The following ATP8A1 variants were observed in gnomAD, a reference collection of about 807,000 sequenced individuals.
ATP8A1 encodes the protein ATPase phospholipid transporting 8A1, also known as phospholipid-transporting ATPase IA.
ATP8A1 carries 90 observed loss-of-function variants against 177.7 expected under a neutral mutation model. The ratio of observed to expected loss-of-function variants is 0.51; its 90% CI spans 0.43 to 0.60. ATP8A1 has a LOEUF of 0.60. ATP8A1 is among the 20% of genes least tolerant of loss of function. The pLI, the probability that ATP8A1 is intolerant of heterozygous loss-of-function variation, is 0.00. For missense variants in ATP8A1, 1,072 were observed against 1,392.8 expected (o/e 0.77, Z 3.67); for synonymous variants, 493 against 485.9 (o/e 1.01, Z -0.19).
At chr4:42,503,409 ATATT>A in intron 24 of ATP8A1, 37 bp downstream of exon 24, 1 of 1,148,760 alleles carries the variant, frequency 8.7e-7, no homozygotes, top group Admixed American at 1.9e-5. Flanking sequence ...TAGCATGAAT[ATATT>A]ATTAAAGGAG....
At chr4:42,493,361 A>T (rs953175453) in intron 24 of ATP8A1, among the ~76,000 whole-genome samples, 18 of 152,208 alleles carry the variant, frequency 1.2e-4, no homozygotes, top group African/African-American at 3.9e-4. Flanking sequence ...TGTTATTTTG[A>T]AAAAAATTCC....
chr4:42,516,964 T>C (rs770503162), intron 22 of ATP8A1, among the ~76,000 whole-genome samples: 6 of 152,196 alleles, frequency 3.9e-5, no homozygotes, highest in Non-Finnish European at 7.3e-5. Flanking sequence ...AATTATTCTG[T>C]TATTTACAAT....
chr4:42,633,633 G>C (rs895598564), intron 1 of ATP8A1, among the ~76,000 whole-genome samples: 7 of 152,168 alleles, frequency 4.6e-5, no homozygotes, highest in African/African-American at 1.7e-4. Context: ...CTGTGCTTAA[G>C]TTTCATTATG....
chr4:42,626,923 A>G (rs1738165229), intron 2 of ATP8A1, 72 bp downstream of exon 2: 1 of 1,178,590 alleles, frequency 8.5e-7, no homozygotes. Flanking sequence ...AGCTCTTTGC[A>G]AGCATTTTCA....
rs776830285 is a variant in ATP8A1, at chr4:42,443,517, A to G, written c.3123+48T>C. The stretch of plus-strand genomic sequence containing the variant: ...AAACGATTAAGGTTTGCTAAAAAAT[A>G]CCAGTTTTTAAGGTTTTGTTGGATT... On this transcript the variant is annotated intron_variant, in intron 33 of 36. Coordinates refer to ENST00000381668, the MANE Select transcript of ATP8A1 (RefSeq NM_006095.2). 4 of 796,912 alleles carry G rather than the reference A, an allele frequency of 5.0e-6. No homozygotes were observed. The African/African-American group carries it at 5.1e-5, about 10-fold the overall frequency. The allele number at this position is 796,912 out of a possible 1,614,324, so 49.4% of individuals were successfully genotyped here. A position where few individuals can be genotyped will look rare whatever the true frequency, so the allele number is the denominator to read the frequency against.
At chr4:42,533,155 T>C (rs1727452311) in intron 20 of ATP8A1, among the ~76,000 whole-genome samples, 1 of 152,156 alleles carries the variant, frequency 6.6e-6, no homozygotes, top group South Asian at 2.1e-4. Flanking sequence ...AATCCACACT[T>C]TTTGAAGGAG....
chr4:42,476,277 C>T (rs1369581252), intron 25 of ATP8A1, among the ~76,000 whole-genome samples: 2 of 152,008 alleles, frequency 1.3e-5, no homozygotes, highest in African/African-American at 4.8e-5. Context: ...AAATAAACTC[C>T]ATATGTGTAA....
intron 24 of ATP8A1, among the ~76,000 whole-genome samples, chr4:42,487,332 T>C (rs2153189605): frequency 6.6e-6 from 1 of 152,250 alleles, no homozygotes; most frequent in East Asian, 1.9e-4. Context: ...TTTCAATACA[T>C]TTAGTTTTTC....
chr4:42,626,261 A>G (rs1051826733), intron 2 of ATP8A1: 1 of 152,306 alleles, frequency 6.6e-6, no homozygotes, highest in African/African-American at 2.4e-5. Context: ...ATCACTACTT[A>G]GGTCTTAGAA....
intron 24 of ATP8A1, among the ~76,000 whole-genome samples, chr4:42,492,790 C>G (rs1459723051): frequency 6.6e-6 from 1 of 152,188 alleles, no homozygotes; most frequent in African/African-American, 2.4e-5. Context: ...TCGGAACTAA[C>G]AACAAATCAC....
intron 1 of ATP8A1, among the ~76,000 whole-genome samples, chr4:42,630,102 G>C (rs906397218): frequency 6.6e-6 from 1 of 152,104 alleles, no homozygotes; most frequent in Non-Finnish European, 1.5e-5. Context: ...TATTTCCTCT[G>C]CATATCACCA....
At chr4:42,619,613 CAT>C (rs55992429) in intron 4 of ATP8A1, among the ~76,000 whole-genome samples, 39,668 of 148,838 alleles carry the variant, frequency 0.27, 5,475 homozygotes, top group South Asian at 0.33. Flanking sequence ...TCTATCTACA[CAT>C]ATATATATAT....
intron 5 of ATP8A1, among the ~76,000 whole-genome samples, chr4:42,606,096 C>T (rs1392118483): frequency 6.6e-6 from 1 of 152,180 alleles, no homozygotes; most frequent in Non-Finnish European, 1.5e-5. Flanking sequence ...GCCATAAATA[C>T]TTTAATGAAT....
At chr4:42,504,464 TG>T (rs1361111840) in intron 23 of ATP8A1, among the ~76,000 whole-genome samples, 1 of 152,264 alleles carries the variant, frequency 6.6e-6, no homozygotes, top group African/African-American at 2.4e-5. Context: ...CGAAGTTACC[TG>T]ATCTATTTCT....
intron 1 of ATP8A1, among the ~76,000 whole-genome samples, chr4:42,654,692 G>C (rs1234623053): frequency 6.6e-6 from 1 of 152,172 alleles, no homozygotes; most frequent in Non-Finnish European, 1.5e-5. Flanking sequence ...TTTCAAGAGA[G>C]ATATGATTAA....
intron 24 of ATP8A1, among the ~76,000 whole-genome samples, chr4:42,497,183 G>GTT (rs1723366851): frequency 1.3e-5 from 2 of 152,122 alleles, no homozygotes; most frequent in Admixed American, 6.6e-5. Flanking sequence ...AGCAATCAAG[G>GTT]TTCACATTTA....
chr4:42,493,610 T>C (rs1302199041), intron 24 of ATP8A1, among the ~76,000 whole-genome samples: 3 of 152,148 alleles, frequency 2.0e-5, no homozygotes, highest in African/African-American at 7.2e-5. Flanking sequence ...TTAATGTAAT[T>C]TTTTTGGTTT....
intron 5 of ATP8A1, among the ~76,000 whole-genome samples, chr4:42,614,507 C>T (rs761515871): frequency 6.6e-6 from 1 of 152,162 alleles, no homozygotes; most frequent in Non-Finnish European, 1.5e-5. Flanking sequence ...CCCTTCACAA[C>T]TAAACTCCTG....
At chr4:42,568,938 T>C (rs1731624247) in intron 15 of ATP8A1, among the ~76,000 whole-genome samples, 1 of 152,156 alleles carries the variant, frequency 6.6e-6, no homozygotes. Flanking sequence ...TGTAAAACTC[T>C]GGCAAACCTA....
Sources: allele counts gnomAD v4.1 joint callset (sites outside exome capture counted in the v4.1 genomes callset), GRCh38; gene constraint gnomAD v4.1.1; transcripts MANE v1.5; gene names NCBI Gene and HGNC (gene_info 2026-07-23, HGNC 2026-07-21).